The following SORCS2 variants were observed in gnomAD, a reference collection of about 807,000 sequenced individuals.
The protein encoded by SORCS2 is VPS10 domain-containing receptor SorCS2.
A neutral mutation model predicts 141.6 loss-of-function variants in SORCS2; 100 were observed. The ratio of observed to expected loss-of-function variants is 0.71; its 90% CI spans 0.60 to 0.83. The LOEUF (loss-of-function observed/expected upper bound fraction) is 0.83. Among genes scored for constraint, SORCS2 ranks in the 40% least tolerant of loss-of-function variants. The pLI, the probability that SORCS2 is intolerant of heterozygous loss-of-function variation, is 0.00. For missense variants in SORCS2, 1,646 were observed against 1,560.2 expected (o/e 1.05, Z -0.93); for synonymous variants, 789 against 676.9 (o/e 1.17, Z -2.57).
In SORCS2 at chr4:7,636,926, C is replaced by T. The variant is rs1052816699; in HGVS notation, c.649-1402C>T. 2.0e-5 allele frequency among the ~76,000 whole-genome samples: 3 copies of T among 152,118 alleles called. No individual in the cohort carries two copies. The East Asian group carries it at 5.8e-4, about 29-fold the overall frequency. Reference sequence around the variant, plus strand: ...CTTCTAGGGGCTCAGAGGGACCCTTCGTTCTGTGCCGCTCCCAGCTTCCTG... The same window carrying T: ...CTTCTAGGGGCTCAGAGGGACCCTTTGTTCTGTGCCGCTCCCAGCTTCCTG... On this transcript the variant is annotated intron_variant, in intron 3 of 26. Transcript: ENST00000507866.
At chr4:7,238,918 C>T (rs1712486651) in intron 1 of SORCS2, among the ~76,000 whole-genome samples, 1 of 152,214 alleles carries the variant, frequency 6.6e-6, no homozygotes, top group African/African-American at 2.4e-5. Context: ...CCCATCACCC[C>T]TGTGCCCTCG....
chr4:7,712,047 C>G (rs1354617991), intron 14 of SORCS2, among the ~76,000 whole-genome samples: 1 of 152,142 alleles, frequency 6.6e-6, no homozygotes, highest in Non-Finnish European at 1.5e-5. Context: ...ATGTTCAGAT[C>G]TTAGGAAGGT....
chr4:7,542,439 G>A (rs1208359901), intron 3 of SORCS2, among the ~76,000 whole-genome samples: 1 of 152,100 alleles, frequency 6.6e-6, no homozygotes, highest in Non-Finnish European at 1.5e-5. Context: ...CAAGACAGAG[G>A]GCAGGTGACA....
intron 1 of SORCS2, among the ~76,000 whole-genome samples, chr4:7,379,441 G>C (rs1225504550): frequency 1.3e-5 from 2 of 152,214 alleles, no homozygotes; most frequent in African/African-American, 4.8e-5. Flanking sequence ...CTTCGGGAGT[G>C]GGGGCGCCCC....
chr4:7,328,475 G>C (rs1719427408), intron 1 of SORCS2, among the ~76,000 whole-genome samples: 1 of 152,080 alleles, frequency 6.6e-6, no homozygotes, highest in African/African-American at 2.4e-5. Context: ...TTCAAAGCTG[G>C]GACTGAGGCA....
At chr4:7,221,125 G>A (rs987316920) in intron 1 of SORCS2, among the ~76,000 whole-genome samples, 2 of 152,272 alleles carry the variant, frequency 1.3e-5, no homozygotes, top group East Asian at 1.9e-4. Flanking sequence ...TCACAGAGCC[G>A]ACCATGCCCC....
At chr4:7,706,298 T>C (rs200165711) in intron 14 of SORCS2, among the ~76,000 whole-genome samples, 1,113 of 22,628 alleles carry the variant, frequency 0.049, 45 homozygotes, top group East Asian at 0.3. Flanking sequence ...CTGGGCTCCG[T>C]CTGGGCAGGG....
intron 2 of SORCS2, among the ~76,000 whole-genome samples, chr4:7,452,448 G>A (rs979697398): frequency 6.6e-6 from 1 of 152,178 alleles, no homozygotes; most frequent in Non-Finnish European, 1.5e-5. Flanking sequence ...GGCCTGGAAG[G>A]TTCTTCTGTT....
At chr4:7,223,832 A>T (rs1483064184) in intron 1 of SORCS2, among the ~76,000 whole-genome samples, 1 of 151,978 alleles carries the variant, frequency 6.6e-6, no homozygotes. Context: ...CTGGAATCTG[A>T]CCCTGCCTGC....
At chr4:7,615,449 G>A (rs1282083540) in intron 3 of SORCS2, among the ~76,000 whole-genome samples, 1 of 152,192 alleles carries the variant, frequency 6.6e-6, no homozygotes, top group Non-Finnish European at 1.5e-5. Context: ...GGAGGGAGAG[G>A]TGCCTTTTAA....
At chr4:7,403,997 A>ATATTTTTTT (rs1265288820) in intron 2 of SORCS2, among the ~76,000 whole-genome samples, 2 of 18,978 alleles carry the variant, frequency 1.1e-4, no homozygotes, top group Admixed American at 5.3e-4. Context: ...ATATATATAT[A>ATATTTTTTT]TTTTTTTTTT....
At chr4:7,326,688 C>T (rs537209215) in intron 1 of SORCS2, among the ~76,000 whole-genome samples, 85 of 152,344 alleles carry the variant, frequency 5.6e-4, no homozygotes, top group African/African-American at 1.9e-3. Flanking sequence ...GCCGCCAGGG[C>T]ATGATGTCCT....
chr4:7,374,344 T>A (rs1372414397), intron 1 of SORCS2, among the ~76,000 whole-genome samples: 2 of 151,988 alleles, frequency 1.3e-5, no homozygotes, highest in South Asian at 4.2e-4. Flanking sequence ...TCCTCCCCCA[T>A]GTGAGAGAGG....
intron 4 of SORCS2, among the ~76,000 whole-genome samples, chr4:7,650,960 T>G (rs1481171790): frequency 2.0e-5 from 3 of 152,008 alleles, no homozygotes; most frequent in Non-Finnish European, 4.4e-5. Context: ...CCTTGAGAAA[T>G]GCAGTGCGGA....
At chr4:7,452,802 C>T (rs1046699994) in intron 2 of SORCS2, among the ~76,000 whole-genome samples, 4 of 152,038 alleles carry the variant, frequency 2.6e-5, no homozygotes, top group South Asian at 2.1e-4. Flanking sequence ...TAGTGTCAGG[C>T]GCCATGTTGG....
At chr4:7,364,855 G>A (rs1162786476) in intron 1 of SORCS2, among the ~76,000 whole-genome samples, 1 of 152,204 alleles carries the variant, frequency 6.6e-6, no homozygotes, top group Non-Finnish European at 1.5e-5. Context: ...TGTTCAAAAA[G>A]CATTCATAAC....
At chr4:7,209,952 T>C (rs1727967396) in intron 1 of SORCS2, among the ~76,000 whole-genome samples, 1 of 152,150 alleles carries the variant, frequency 6.6e-6, no homozygotes, top group African/African-American at 2.4e-5. Flanking sequence ...AAGTCCATGG[T>C]TGGGACCGAG....
chr4:7,365,960 C>T (rs1056588863), intron 1 of SORCS2, among the ~76,000 whole-genome samples: 20 of 152,298 alleles, frequency 1.3e-4, no homozygotes, highest in African/African-American at 3.6e-4. Flanking sequence ...AAAACGAGCC[C>T]GGGAAGACAG....
chr4:7,422,746 A>G (rs1014152381), intron 2 of SORCS2, among the ~76,000 whole-genome samples: 4 of 151,888 alleles, frequency 2.6e-5, no homozygotes, highest in African/African-American at 9.7e-5. Flanking sequence ...TCTCGCCTGG[A>G]CGCCACAACC....
Sources: gnomAD v4.1 joint callset for allele counts (sites outside exome capture counted in the v4.1 genomes callset) on GRCh38, gnomAD v4.1.1 for gene constraint, MANE v1.5 for transcripts, NCBI Gene and HGNC (gene_info 2026-07-23, HGNC 2026-07-21) for gene names.